ZMYM6: variants seen among roughly 807,000 people sequenced by gnomAD.
ZMYM6 encodes the protein zinc finger MYM-type containing 6, also known as zinc finger MYM-type protein 6.
In ZMYM6, 90 loss-of-function variants were observed where a neutral mutation model predicts 134.0. The ratio of observed to expected loss-of-function variants is 0.67; its 90% CI spans 0.57 to 0.80. The LOEUF is 0.80. Among genes scored for constraint, ZMYM6 ranks in the 30% least tolerant of loss-of-function variants. ZMYM6 has a pLI of 0.00. For missense variants in ZMYM6, 1,362 were observed against 1,533.9 expected (o/e 0.89, Z 1.87); for synonymous variants, 481 against 524.1 (o/e 0.92, Z 1.12).
intron 14 of ZMYM6, among the ~76,000 whole-genome samples, chr1:35,001,845 C>G (rs1323127639): frequency 6.6e-6 from 1 of 152,116 alleles, no homozygotes; most frequent in Non-Finnish European, 1.5e-5. Context: ...GATAAGCTAC[C>G]TCTCCACATT....
chr1:35,015,333 C>T (rs1236030827), intron 4 of ZMYM6, among the ~76,000 whole-genome samples, 171 bp from the exon 5 acceptor site: 1 of 152,074 alleles, frequency 6.6e-6, no homozygotes, highest in Non-Finnish European at 1.5e-5. Context: ...AGGTGAGTGA[C>T]AATGAATGAT....
chr1:35,012,317 G>C (rs1326123382), intron 7 of ZMYM6, 114 bp downstream of exon 7: 1 of 1,014,154 alleles, frequency 9.9e-7, no homozygotes, highest in South Asian at 2.4e-5. Context: ...AGTCAGTCTT[G>C]GGTTTTTATT....
At chr1:35,025,466 C>CAAAA (rs1161814959) in intron 2 of ZMYM6, among the ~76,000 whole-genome samples, 851 of 52,098 alleles carry the variant, frequency 0.016, no homozygotes, top group Non-Finnish European at 0.027. Flanking sequence ...GACTCCATCC[C>CAAAA]AAAAAAAAAA....
chr1:35,029,083 T>C (rs951988941), intron 2 of ZMYM6, among the ~76,000 whole-genome samples: 2 of 151,810 alleles, frequency 1.3e-5, no homozygotes, highest in Admixed American at 6.6e-5. Flanking sequence ...TCCCAGCTAC[T>C]GGGGAGGCTG....
At chr1:34,995,085 G>GTA (rs144129384) in intron 14 of ZMYM6, among the ~76,000 whole-genome samples, 2,930 of 125,434 alleles carry the variant, frequency 0.023, 48 homozygotes, top group Middle Eastern at 0.14. Flanking sequence ...ACTTACATAC[G>GTA]TATATATGTA....
intron 10 of ZMYM6, among the ~76,000 whole-genome samples, chr1:35,009,607 G>GT (rs1243850607): frequency 6.6e-5 from 10 of 152,068 alleles, no homozygotes; most frequent in Admixed American, 1.3e-4. Flanking sequence ...CATTTTTACA[G>GT]TTTTTTATTG....
chr1:35,014,994 A>C lies in ZMYM6; in HGVS notation c.597T>G (p.Asn199Lys), dbSNP rs1426472197. ...AAAGTAAAATGTAACTTACATCAGCATTCTTCTGACACATACTGCACTTAG... is the reference window on the plus strand; with the variant it reads ...AAAGTAAAATGTAACTTACATCAGCCTTCTTCTGACACATACTGCACTTAG... Reference protein sequence around the residue: ...ISTKCSMCQKNADTRFEVKYQ... With the variant: ...ISTKCSMCQKKADTRFEVKYQ... The change falls in exon 5 of 16, where the codon AAT becomes AAG. Residue 199 changes from asparagine to lysine, a missense_variant. Around this residue, in one of 3 missense-constraint regions of ZMYM6, gnomAD observed 503 missense variants for 520.8 expected, o/e 0.97. Transcript: ENST00000357182. 2 of 1,610,520 alleles carry C rather than the reference A, an allele frequency of 1.2e-6. No homozygotes were observed. Among genetic ancestry groups the C allele is most frequent in the African/African-American group, 2.7e-5 (2 of 74,512 alleles).
chr1:35,012,150 CAACT>C (rs1414829522), intron 7 of ZMYM6, 145 bp from the exon 8 acceptor site: 1 of 626,974 alleles, frequency 1.6e-6, no homozygotes, highest in East Asian at 2.9e-5. Context: ...AATCTAACCA[CAACT>C]AACCTCTATT....
At chr1:35,022,509 C>T (rs369477380) in intron 2 of ZMYM6, among the ~76,000 whole-genome samples, 1 of 152,074 alleles carries the variant, frequency 6.6e-6, no homozygotes, top group East Asian at 1.9e-4. Flanking sequence ...GGTGACCCAC[C>T]CACCTCCACC....
intron 14 of ZMYM6, among the ~76,000 whole-genome samples, chr1:34,997,118 T>C (rs755903074): frequency 2.6e-5 from 4 of 152,232 alleles, no homozygotes; most frequent in Non-Finnish European, 4.4e-5. Context: ...TTTATCAATT[T>C]ACACTCCTAC....
chr1:35,009,324 A>ACC (rs1641042649), intron 10 of ZMYM6, among the ~76,000 whole-genome samples: 1 of 152,122 alleles, frequency 6.6e-6, no homozygotes, highest in Non-Finnish European at 1.5e-5. Context: ...GGCTGGTCTC[A>ACC]AACTCCTGAC....
chr1:34,987,031 A>G lies in ZMYM6; in HGVS notation c.*73T>C. 9.0e-7 allele frequency: 1 copy of G among 1,110,050 alleles called. No homozygotes were observed. Among genetic ancestry groups the G allele is most frequent in the Non-Finnish European group, 1.2e-6 (1 of 829,108 alleles). The allele number at this position is 1,110,050 out of a possible 1,614,324, so 68.8% of individuals were successfully genotyped here. A position where few individuals can be genotyped will look rare whatever the true frequency, so the allele number is the denominator to read the frequency against. On this transcript the variant is annotated 3_prime_UTR_variant, in exon 16 of 16. Coordinates refer to ENST00000357182, the MANE Select transcript of ZMYM6 (RefSeq NM_007167.4). ...TGAAAACACAAATCCACATTAGGAA[A>G]TTATCTTTTAGGATACTTATACAAA... is the stretch of plus-strand genomic sequence containing the variant.
At chr1:35,019,077 A>C in intron 4 of ZMYM6, 1 of 538,376 alleles carries the variant, frequency 1.9e-6, no homozygotes, top group East Asian at 3.0e-5. Context: ...GGGTGTCTAC[A>C]ATTACAGGAT....
intron 14 of ZMYM6, among the ~76,000 whole-genome samples, chr1:34,993,817 G>A (rs1194561656): frequency 1.3e-5 from 2 of 151,842 alleles, no homozygotes; most frequent in African/African-American, 4.8e-5. Context: ...CTGAGTAGCT[G>A]GGACTACAAG....
Position 34,988,402 on chromosome 1 carries a change from T to C in ZMYM6, c.2680A>G (p.Ile894Val), listed in dbSNP as rs933380511. ...ACCTTTTGAATCAGCTGGTCTTCAA[T>C]GTCTGCAGATAGTTCATCAATCCTG... ...QHRIDELSADIEDQLIQKVRE... is the reference protein window; with the variant it reads ...QHRIDELSADVEDQLIQKVRE... The change falls in exon 16 of 16, where the codon ATT becomes GTT. Residue 894 changes from isoleucine to valine, a missense_variant. This residue lies in a region of ZMYM6 where 824 missense variants were observed against 940.9 expected (regional missense o/e 0.88). Transcript: ENST00000357182. 1.0e-5 allele frequency: 16 copies of C among 1,551,518 alleles called. No homozygotes were observed. Among genetic ancestry groups the C allele is most frequent in the Non-Finnish European group, 1.4e-5 (16 of 1,146,968 alleles).
chr1:35,014,652 CAGA>C (rs377047605), intron 6 of ZMYM6, 42 bp downstream of exon 6: 259 of 1,573,066 alleles, frequency 1.6e-4, no homozygotes, highest in Non-Finnish European at 2.1e-4. Context: ...GCAGCCAAAT[CAGA>C]AGGAGTGGGC....
At position 34,988,508 on chromosome 1, in the gene ZMYM6, T is replaced by C. The variant is rs1429821930; in HGVS notation, c.2574A>G (p.Val858=). The change falls in exon 16 of 16, where the codon GTA becomes GTG. Residue 858 remains valine (V), a synonymous_variant. Transcript: ENST00000357182. ...AACCCAAAACTTCTGAACACATTTC[T>C]ACTAAATATGGTTTAATTAATTCTT... ...IAEELIKPYL[V]EMCSEVLGSS... is the part of the protein sequence containing the mutation. The C allele has an allele frequency of 6.4e-7, 1 of 1,550,894 alleles. No individual in the cohort carries two copies. Among genetic ancestry groups the C allele is most frequent in the Non-Finnish European group, 8.7e-7 (1 of 1,146,682 alleles).
chr1:35,012,602 T>G, intron 6 of ZMYM6, 21 bp from the exon 7 acceptor site: 2 of 1,611,568 alleles, frequency 1.2e-6, no homozygotes, highest in Non-Finnish European at 1.7e-6. Flanking sequence ...AAAATAACAT[T>G]AGATACCTAG....
chr1:35,012,792 A>G (rs899614733), intron 6 of ZMYM6: 16 of 985,202 alleles, frequency 1.6e-5, no homozygotes, highest in Non-Finnish European at 1.9e-5. Context: ...CTATTCAGAT[A>G]GAGATCTTAG....
Sources: allele counts gnomAD v4.1 joint callset (sites outside exome capture counted in the v4.1 genomes callset), GRCh38; gene constraint gnomAD v4.1.1; regional missense constraint gnomAD v4.1.1; transcripts MANE v1.5; gene names NCBI Gene and HGNC (gene_info 2026-07-23, HGNC 2026-07-21).